The following EGFR variants were observed in gnomAD, a reference collection of about 807,000 sequenced individuals.
The protein encoded by EGFR is avian erythroblastic leukemia viral (v-erb-b) oncogene homolog.
In EGFR, 58 loss-of-function variants were observed where a neutral mutation model predicts 143.0. That is an observed-to-expected ratio of 0.41 (90% CI 0.33 to 0.50). EGFR has a LOEUF of 0.50. Among genes scored for constraint, EGFR ranks in the 20% least tolerant of loss-of-function variants. EGFR has a pLI of 0.39. For synonymous variants in EGFR, 613 were observed against 594.4 expected (o/e 1.03, Z -0.45); for missense variants, 1,307 against 1,579.0 (o/e 0.83, Z 2.92).
chr7:55,045,771 C>A (rs957888952), intron 1 of EGFR, among the ~76,000 whole-genome samples: 2 of 152,168 alleles, frequency 1.3e-5, no homozygotes, highest in Non-Finnish European at 1.5e-5. Flanking sequence ...TTTATTGCTG[C>A]AGCTGTTCTT....
intron 20 of EGFR, among the ~76,000 whole-genome samples, chr7:55,189,979 A>G (rs1415660599): frequency 6.6e-6 from 1 of 152,218 alleles, no homozygotes; most frequent in Non-Finnish European, 1.5e-5. Flanking sequence ...GAGACAGGGT[A>G]CCAGGCAGAG....
chr7:55,099,576 G>A (rs1791680848), intron 1 of EGFR, among the ~76,000 whole-genome samples: 1 of 152,202 alleles, frequency 6.6e-6, no homozygotes, highest in African/African-American at 2.4e-5. Context: ...AGCCTTGAGA[G>A]GTGCAGAAGA....
intron 20 of EGFR, among the ~76,000 whole-genome samples, chr7:55,188,504 T>C (rs1018201593): frequency 6.6e-6 from 1 of 152,182 alleles, no homozygotes; most frequent in African/African-American, 2.4e-5. Context: ...AGTGCTGTAT[T>C]TCAAAATTCA....
rs1787839040 is a variant in EGFR, at chr7:55,201,321, C to T, written c.3080C>T (p.Pro1027Leu). 2.5e-6 allele frequency: 4 copies of T among 1,613,952 alleles called. No individual in the cohort carries two copies. The highest frequency in any genetic ancestry group is 3.4e-6 in the Non-Finnish European group (4 of 1,179,970). The change falls in exon 25 of 28, where the codon CCC becomes CTC. Residue 1027 changes from proline (P) to leucine (L), a missense_variant. Pro to Leu is a moderately conservative substitution (Grantham distance 98). This residue lies in a region of EGFR where 313 missense variants were observed against 312.3 expected (regional missense o/e 1.00). Coordinates refer to ENST00000275493, the MANE Select transcript of EGFR (RefSeq NM_005228.5). ...CCACAGCAGGGCTTCTTCAGCAGCCCCTCCACGTCACGGACTCCCCTCCTG... is the reference window on the plus strand; with the variant it reads ...CCACAGCAGGGCTTCTTCAGCAGCCTCTCCACGTCACGGACTCCCCTCCTG... ...LIPQQGFFSS[P>L]STSRTPLLSS...
In EGFR at chr7:55,201,619, C is replaced by G. The variant is rs191994123; in HGVS notation, c.3115-116C>G. On this transcript the variant is annotated intron_variant, in intron 25 of 27. Coordinates refer to ENST00000275493, the MANE Select transcript of EGFR (RefSeq NM_005228.5). ...GTTGCTCTAAAACTAACGATTAAGA[C>G]AAAAATTAAACACCTTCACAATATA... 14 of 1,390,944 alleles carry G rather than the reference C, an allele frequency of 1.0e-5. No individual in the cohort carries two copies. In the East Asian group the frequency reaches 3.0e-4, roughly 30 times the overall value. The allele number at this position is 1,390,944 out of a possible 1,614,324, so 86.2% of individuals were successfully genotyped here.
intron 1 of EGFR, among the ~76,000 whole-genome samples, chr7:55,137,100 G>A (rs1259372917): frequency 1.3e-5 from 2 of 152,196 alleles, no homozygotes; most frequent in Non-Finnish European, 2.9e-5. Context: ...TAATGTGACA[G>A]ATGTAATGGT....
At chr7:55,034,268 T>A (rs954950270) in intron 1 of EGFR, among the ~76,000 whole-genome samples, 3 of 152,058 alleles carry the variant, frequency 2.0e-5, no homozygotes, top group Non-Finnish European at 2.9e-5. Context: ...GAGTCTCACT[T>A]TTTTCCCCAG....
In EGFR at chr7:55,161,608, G is replaced by A. The variant is rs2128943012; in HGVS notation, c.1608G>A (p.Val536=). 2.5e-6 allele frequency: 4 copies of A among 1,614,256 alleles called. No homozygotes were observed. The highest frequency in any genetic ancestry group is 3.4e-6 in the Non-Finnish European group (4 of 1,180,044). ...CRNVSRGREC[V]DKCNLLEGEP... Reference sequence around the variant, plus strand: ...ATGTCAGCCGAGGCAGGGAATGCGTGGACAAGTGCAACCTTCTGGAGGGGT... The same window carrying A: ...ATGTCAGCCGAGGCAGGGAATGCGTAGACAAGTGCAACCTTCTGGAGGGGT... Residue 536 remains valine (V), a synonymous_variant, in exon 13 of 28, where the codon GTG becomes GTA. Coordinates refer to ENST00000275493, the MANE Select transcript of EGFR (RefSeq NM_005228.5).
chr7:55,022,170 A>G (rs1478658952), intron 1 of EGFR, among the ~76,000 whole-genome samples: 1 of 152,108 alleles, frequency 6.6e-6, no homozygotes, highest in African/African-American at 2.4e-5. Context: ...TTCAGTGAGC[A>G]TGGAGTGGAG....
At chr7:55,182,073 C>T (rs1201566155) in intron 20 of EGFR, 1 of 163,566 alleles carries the variant, frequency 6.1e-6, no homozygotes, top group Non-Finnish European at 1.3e-5. Context: ...TGGAGACAGG[C>T]ACAGAACAAC....
chr7:55,081,808 T>C (rs1402617128), intron 1 of EGFR, among the ~76,000 whole-genome samples: 2 of 149,938 alleles, frequency 1.3e-5, no homozygotes, highest in Non-Finnish European at 2.9e-5. Flanking sequence ...ATTCTGGAGC[T>C]AATCATAGGC....
At chr7:55,101,299 T>C (rs937334827) in intron 1 of EGFR, among the ~76,000 whole-genome samples, 1 of 152,260 alleles carries the variant, frequency 6.6e-6, no homozygotes, top group African/African-American at 2.4e-5. Context: ...CCTTCCAGCT[T>C]ACTGAGGTAC....
rs966055960 is a variant in EGFR at position 55,125,593 on chromosome 7, T to A, written c.89-16693T>A. Among the ~76,000 whole-genome samples, 3 of 152,244 alleles carry A rather than the reference T, an allele frequency of 2.0e-5. No homozygotes were observed. In the South Asian group the frequency reaches 6.2e-4, roughly 32 times the overall value. On this transcript the variant is annotated intron_variant, in intron 1 of 27. Transcript: ENST00000275493. ...TGTACATCTCAAGAAGTTATGTAAT[T>A]AAACTGTCTGTTTTGAGAAAATTGT...
chr7:55,049,329 C>T (rs1583909705), intron 1 of EGFR, among the ~76,000 whole-genome samples: 1 of 152,048 alleles, frequency 6.6e-6, no homozygotes, highest in Non-Finnish European at 1.5e-5. Flanking sequence ...AATCTCCTGC[C>T]CCAACTCATT....
chr7:55,161,414 G>T lies in EGFR; in HGVS notation c.1499-85G>T, dbSNP rs965891018. On this transcript the variant is annotated intron_variant, in intron 12 of 27. Coordinates refer to ENST00000275493, the MANE Select transcript of EGFR (RefSeq NM_005228.5). ...GTCACCCAAGGTCATGGAGCACAGG[G>T]CCCCTCCCGGGAAGGTGCCGTCTCC... The T allele has an allele frequency of 5.3e-6, 8 of 1,522,290 alleles. No homozygotes were observed. In the African/African-American group the frequency reaches 8.2e-5, roughly 16 times the overall value. The allele number at this position is 1,522,290 out of a possible 1,614,324, so 94.3% of individuals were successfully genotyped here.
chr7:55,070,409 A>T (rs1236645921), intron 1 of EGFR, among the ~76,000 whole-genome samples: 1 of 152,250 alleles, frequency 6.6e-6, no homozygotes, highest in African/African-American at 2.4e-5. Context: ...TAGTGAGGTC[A>T]TTCATCTTCG....
At chr7:55,030,444 C>T (rs1039852800) in intron 1 of EGFR, among the ~76,000 whole-genome samples, 7 of 152,118 alleles carry the variant, frequency 4.6e-5, no homozygotes, top group African/African-American at 1.7e-4. Flanking sequence ...CTGCCCATTC[C>T]ATAAGATACA....
intron 1 of EGFR, among the ~76,000 whole-genome samples, chr7:55,053,293 C>T (rs1397905558): frequency 6.6e-6 from 1 of 152,160 alleles, no homozygotes; most frequent in East Asian, 1.9e-4. Flanking sequence ...GGGAGATGTC[C>T]TCGACCTCTG....
intron 1 of EGFR, among the ~76,000 whole-genome samples, chr7:55,140,572 C>T (rs1345375905): frequency 1.3e-5 from 2 of 152,210 alleles, no homozygotes. Flanking sequence ...ATCAGTTTAG[C>T]CCTATCTGCA....
Sources: gnomAD v4.1 joint callset for allele counts (sites outside exome capture counted in the v4.1 genomes callset) on GRCh38, gnomAD v4.1.1 for gene constraint, gnomAD v4.1.1 regional missense constraint, MANE v1.5 for transcripts, NCBI Gene and HGNC (gene_info 2026-07-23, HGNC 2026-07-21) for gene names.